The following NR4A1 variants were observed in gnomAD, a reference collection of about 807,000 sequenced individuals.
The protein encoded by NR4A1 is nuclear receptor subfamily 4 group A member 1.
NR4A1 carries 24 observed loss-of-function variants against 47.5 expected under a neutral mutation model. That is an observed-to-expected ratio of 0.50 (90% CI 0.37 to 0.71). The LOEUF is 0.71. Ranked by LOEUF, NR4A1 falls within the 30% of genes least tolerant of loss-of-function variation. NR4A1 has a pLI of 0.00. For synonymous variants in NR4A1, 353 were observed against 345.7 expected, an observed-to-expected ratio of 1.02 and a Z score of -0.24; for missense variants, 669 against 788.6, an observed-to-expected ratio of 0.85 and a Z score of 1.82.
chr12:52,039,793 G>A (rs1463961316), intron 1 of NR4A1, among the ~76,000 whole-genome samples: 4 of 152,254 alleles, frequency 2.6e-5, no homozygotes, highest in Non-Finnish European at 5.9e-5. Flanking sequence ...AATCAGGCTA[G>A]TGTGGTGGGG....
chr12:52,038,560 G>T, intron 1 of NR4A1: 2 of 613,634 alleles, frequency 3.3e-6, no homozygotes, highest in South Asian at 3.6e-5. Flanking sequence ...GGATTTGGGG[G>T]CTGTCGTCGG....
intron 2 of NR4A1, among the ~76,000 whole-genome samples, chr12:52,045,807 G>A (rs1283156): frequency 0.015 from 2,305 of 152,334 alleles, 21 homozygotes; most frequent in Middle Eastern, 0.037. Flanking sequence ...GCTCATGGTA[G>A]GGCTTGGGCA....
chr12:52,058,828 G>A lies in NR4A1; in HGVS notation c.1681G>A (p.Glu561Lys). 3 of 1,613,796 alleles carry A rather than the reference G, an allele frequency of 1.9e-6. No individual in the cohort carries two copies. The highest frequency in any genetic ancestry group is 1.3e-5 in the African/African-American group (1 of 75,028). ...GTCACGTCTGTTGGGCAAACTGCCC[G>A]AGCTGCGGACCCTGTGCACCCAGGG... ...CLSRLLGKLP[E>K]LRTLCTQGLQ... The change falls in exon 7 of 7, where the codon GAG becomes AAG. Residue 561 changes from glutamate (E) to lysine (K), a missense_variant. By Grantham distance (56) the Glu-to-Lys change is moderately conservative (BLOSUM62 1). Coordinates refer to ENST00000394825, the MANE Select transcript of NR4A1 (RefSeq NM_173157.3).
At chr12:52,042,532 A>G (rs1938478922) in intron 2 of NR4A1, among the ~76,000 whole-genome samples, 1 of 152,152 alleles carries the variant, frequency 6.6e-6, no homozygotes, top group African/African-American at 2.4e-5. Flanking sequence ...CTTCACTTAC[A>G]GAAGAGGAGA....
intron 1 of NR4A1, among the ~76,000 whole-genome samples, chr12:52,052,218 C>T (rs1269768958): frequency 6.8e-6 from 1 of 147,436 alleles, no homozygotes; most frequent in Non-Finnish European, 1.5e-5. Context: ...GGGGTCGGGG[C>T]AGGGTCTCTG....
chr12:52,033,110 T>C (rs1592281780), intron 1 of NR4A1, among the ~76,000 whole-genome samples: 1 of 152,314 alleles, frequency 6.6e-6, no homozygotes, highest in South Asian at 2.1e-4. Context: ...GGTAATGGAA[T>C]CCTGGCTGGA....
chr12:52,036,918 A>C (rs775676723), intron 1 of NR4A1, among the ~76,000 whole-genome samples: 4 of 152,154 alleles, frequency 2.6e-5, no homozygotes, highest in Non-Finnish European at 4.4e-5. Flanking sequence ...GGAAGGTGTG[A>C]GCGAGACCTC....
At chr12:52,046,922 C>T (rs949596502), upstream of NR4A1, among the ~76,000 whole-genome samples, 1 of 152,104 alleles carries the variant, frequency 6.6e-6, no homozygotes, top group African/African-American at 2.4e-5. Flanking sequence ...GTGGGTGAAA[C>T]AGTATGTGCA....
At chr12:52,058,604 C>T in intron 6 of NR4A1, 84 bp from the exon 7 acceptor site, 1 of 1,435,408 alleles carries the variant, frequency 7.0e-7, no homozygotes, top group East Asian at 2.5e-5. Flanking sequence ...TGGTCAGGGG[C>T]AGCAGTTTTA....
At position 52,055,053 on chromosome 12, in the gene NR4A1, G is replaced by A. The variant is rs776258622; in HGVS notation, c.725G>A (p.Gly242Asp). 6.2e-7 allele frequency: 1 copy of A among 1,614,262 alleles called. No individual in the cohort carries two copies. Among genetic ancestry groups the A allele is most frequent in the Admixed American group, 1.7e-5 (1 of 60,032 alleles). ...GLAPTSPHLE[G>D]SGILDTPVTS... ...GCACCCACTTCTCCACACCTTGAGG[G>A]CTCGGGGATACTGGATACACCCGTG... The change falls in exon 2 of 7, where the codon GGC becomes GAC. Residue 242 changes from glycine to aspartate, a missense_variant. Transcript: ENST00000394825.
chr12:52,041,920 AT>A lies in NR4A1; in HGVS notation c.29del (p.Ile10ThrfsTer30). On this transcript the variant is annotated frameshift_variant, in exon 2 of 8. Transcript: ENST00000360284. LOFTEE classifies it high-confidence loss of function. ...GTGGTTGGCCAAGGCCTGTTGGTCC[AT>A]CCAGAGTGGTAAGTGCTCTGCTATT... 6.8e-7 allele frequency: 1 copy of A among 1,468,690 alleles called. No individual in the cohort carries two copies. Among genetic ancestry groups the A allele is most frequent in the South Asian group, 1.5e-5 (1 of 67,650 alleles). The allele number at this position is 1,468,690 out of a possible 1,614,324, so 91.0% of individuals were successfully genotyped here.
At chr12:52,038,437 T>C (rs1938321060) in intron 1 of NR4A1, 2 of 383,088 alleles carry the variant, frequency 5.2e-6, no homozygotes, top group African/African-American at 2.1e-5. Flanking sequence ...AGGTGGTTTA[T>C]TTACAGTGAA....
intron 1 of NR4A1, among the ~76,000 whole-genome samples, chr12:52,034,844 C>T (rs1938203047): frequency 6.6e-6 from 1 of 152,204 alleles, no homozygotes; most frequent in Non-Finnish European, 1.5e-5. Context: ...AAGACAAGGT[C>T]CCAAGTCCTC....
At chr12:52,023,690 C>G (rs1355736551) in intron 1 of NR4A1, among the ~76,000 whole-genome samples, 1 of 151,992 alleles carries the variant, frequency 6.6e-6, no homozygotes, top group Non-Finnish European at 1.5e-5. Flanking sequence ...CCCGGCCCAG[C>G]CCCTCCCCTG....
At chr12:52,031,841 G>T (rs1014570891) in intron 1 of NR4A1, among the ~76,000 whole-genome samples, 1 of 144,280 alleles carries the variant, frequency 6.9e-6, no homozygotes, top group South Asian at 2.2e-4. Context: ...GCGCAGTGAC[G>T]CAATCTCAGC....
upstream of NR4A1, among the ~76,000 whole-genome samples, chr12:52,050,054 G>A (rs1236771420): frequency 6.6e-6 from 1 of 152,188 alleles, no homozygotes; most frequent in Non-Finnish European, 1.5e-5. Flanking sequence ...GGGAATGGAT[G>A]GGGGTCGCAG....
intron 1 of NR4A1, among the ~76,000 whole-genome samples, chr12:52,035,989 G>A (rs1309827901): frequency 1.3e-5 from 2 of 152,150 alleles, no homozygotes; most frequent in Non-Finnish European, 1.5e-5. Context: ...AGGATCAGGG[G>A]CTAGTGGCTG....
intron 1 of NR4A1, among the ~76,000 whole-genome samples, chr12:52,053,052 C>G (rs1159725030): frequency 6.6e-6 from 1 of 152,142 alleles, no homozygotes; most frequent in Non-Finnish European, 1.5e-5. Context: ...GCCTTTGCCC[C>G]CATCACTGCA....
At chr12:52,031,468 C>T (rs1224388853) in intron 1 of NR4A1, among the ~76,000 whole-genome samples, 2 of 151,720 alleles carry the variant, frequency 1.3e-5, no homozygotes, top group Non-Finnish European at 1.5e-5. Context: ...GAAACCCCAT[C>T]TCTACTAAAA....
Sources: allele counts gnomAD v4.1 joint callset (sites outside exome capture counted in the v4.1 genomes callset), GRCh38; gene constraint gnomAD v4.1.1; transcripts MANE v1.5; gene names NCBI Gene and HGNC (gene_info 2026-07-23, HGNC 2026-07-21).